PLEKHH1: variants seen among roughly 807,000 people sequenced by gnomAD.
The protein encoded by PLEKHH1 is pleckstrin homology domain-containing family H member 1.
A neutral mutation model predicts 160.0 loss-of-function variants in PLEKHH1; 104 were observed. That is an observed-to-expected ratio of 0.65 (90% CI 0.55 to 0.76). The LOEUF is 0.76. PLEKHH1 is among the 30% of genes least tolerant of loss of function. PLEKHH1 has a pLI of 0.00. For synonymous variants in PLEKHH1, 619 were observed against 678.4 expected (o/e 0.91, Z 1.36); for missense variants, 1,427 against 1,724.1 (o/e 0.83, Z 3.05).
At chr14:67,556,898 C>T (rs2034616741) in intron 3 of PLEKHH1, among the ~76,000 whole-genome samples, 1 of 152,076 alleles carries the variant, frequency 6.6e-6, no homozygotes, top group African/African-American at 2.4e-5. Flanking sequence ...ATATCTCTAC[C>T]ACGGTGGGGT....
intron 2 of PLEKHH1, among the ~76,000 whole-genome samples, chr14:67,544,646 A>C (rs1249517136): frequency 6.6e-6 from 1 of 152,248 alleles, no homozygotes; most frequent in Non-Finnish European, 1.5e-5. Flanking sequence ...AGCATAAGAC[A>C]AGAACAAGAC....
intron 23 of PLEKHH1, 118 bp from the exon 24 acceptor site, chr14:67,581,951 T>G: frequency 9.8e-7 from 1 of 1,017,132 alleles, no homozygotes; most frequent in Non-Finnish European, 1.4e-6. Context: ...AATAGGCTCA[T>G]AAATAGTGGG....
chr14:67,551,814 G>A (rs113632386), intron 2 of PLEKHH1, among the ~76,000 whole-genome samples: 44 of 152,134 alleles, frequency 2.9e-4, no homozygotes, highest in African/African-American at 3.1e-4. Context: ...CCTGGGAGGC[G>A]GAGGTTACAG....
intron 25 of PLEKHH1, 29 bp from the exon 26 acceptor site, chr14:67,583,966 C>T (rs1566765928): frequency 3.7e-6 from 6 of 1,613,682 alleles, no homozygotes; most frequent in Non-Finnish European, 4.2e-6. Flanking sequence ...ACTTCATTGG[C>T]ACTATTTCTC....
intron 28 of PLEKHH1, 122 bp downstream of exon 28, chr14:67,586,219 C>A (rs1181946273): frequency 2.4e-6 from 3 of 1,252,576 alleles, no homozygotes; most frequent in Admixed American, 1.7e-5. Context: ...AATTGTTGGT[C>A]TTGTCTGTAA....
chr14:67,562,812 C>T lies in PLEKHH1; in HGVS notation c.1181C>T (p.Pro394Leu). 1 of 1,613,790 alleles carries T rather than the reference C, an allele frequency of 6.2e-7. No homozygotes were observed. The highest frequency in any genetic ancestry group is 8.5e-7 in the Non-Finnish European group (1 of 1,179,816). The change falls in exon 7 of 29, where the codon CCA (proline) becomes CTA (leucine). Residue 394 changes from proline (P) to leucine (L), a missense_variant. By Grantham distance (98) the Pro-to-Leu change is moderately conservative. Coordinates refer to ENST00000329153, the MANE Select transcript of PLEKHH1 (RefSeq NM_020715.3). Reference protein sequence around the residue: ...PAGKNEERESPKALGAELEEV... With the variant: ...PAGKNEERESLKALGAELEEV... ...GGGAAGAATGAGGAAAGAGAGAGCC[C>T]AAAGGCCCTTGGAGCTGAGCTGGAG...
intron 23 of PLEKHH1, 126 bp downstream of exon 23, chr14:67,581,164 C>T: frequency 1.5e-6 from 1 of 648,826 alleles, no homozygotes; most frequent in Admixed American, 2.5e-5. Context: ...CACTGCCTGG[C>T]AGTCACTAGC....
chr14:67,562,615 C>A lies in PLEKHH1; in HGVS notation c.984C>A (p.Ala328=), dbSNP rs765583719. 1.2e-6 allele frequency: 2 copies of A among 1,612,896 alleles called. No homozygotes were observed. Among genetic ancestry groups the A allele is most frequent in the South Asian group, 2.2e-5 (2 of 90,826 alleles). Residue 328 remains alanine, a synonymous_variant, in exon 7 of 29, where the codon GCC becomes GCA. Transcript: ENST00000329153. Reference sequence around the variant, plus strand: ...CCCCGCGGGACAGCATCCAGTTGGCCAAAAGGCACCACAGCCAGCCCCAGG... The same window carrying A: ...CCCCGCGGGACAGCATCCAGTTGGCAAAAAGGCACCACAGCCAGCCCCAGG... The part of the protein sequence containing the change: ...PGTPRDSIQL[A]KRHHSQPQVG...
In PLEKHH1 at chr14:67,542,707, A is replaced by ATTTG. The variant is rs1273029383; in HGVS notation, c.126+716_126+717insTGTT. ...TATTTTATTTTATTTTATTTTATTT[A>ATTTG]TTCATTTATTGAGATGGAGTTTCGC... On this transcript the variant is annotated intron_variant, in intron 2 of 28. Transcript: ENST00000329153. 3.3e-5 allele frequency among the ~76,000 whole-genome samples: 5 copies of ATTTG among 149,676 alleles called. No homozygotes were observed. The East Asian group carries it at 1.0e-3, about 30-fold the overall frequency.
At chr14:67,556,416 G>C (rs371171166) in intron 3 of PLEKHH1, among the ~76,000 whole-genome samples, 1 of 152,128 alleles carries the variant, frequency 6.6e-6, no homozygotes, top group African/African-American at 2.4e-5. Context: ...GATTACAGGC[G>C]TGAGCCACTG....
In PLEKHH1 at chr14:67,578,160, G is replaced by T; in HGVS notation, c.2712G>T (p.Gln904His). The T allele has an allele frequency of 1.2e-6, 2 of 1,613,972 alleles. No homozygotes were observed. Among genetic ancestry groups the T allele is most frequent in the South Asian group, 1.1e-5 (1 of 91,072 alleles). The change falls in exon 19 of 29, where the codon CAG becomes CAT. Residue 904 changes from glutamine to histidine, a missense_variant. By Grantham distance (24) the Gln-to-His change is conservative. This residue lies in a region of PLEKHH1 where 436 missense variants were observed against 607.5 expected (regional missense o/e 0.72). Coordinates refer to ENST00000329153, the MANE Select transcript of PLEKHH1 (RefSeq NM_020715.3). The surrounding 1 kb of genome is among the most constrained non-coding windows in gnomAD (Gnocchi z 5.0). ...AGATCTACTGCCAACTCATGAAGCA[G>T]ACCAGCTGCCGCCCACCTCAGAAGT... ...QSEIYCQLMK[Q>H]TSCRPPQKYS...
At chr14:67,560,057 C>T (rs560193550) in intron 5 of PLEKHH1, among the ~76,000 whole-genome samples, 4 of 152,292 alleles carry the variant, frequency 2.6e-5, no homozygotes, top group East Asian at 3.9e-4. Flanking sequence ...GACAGAGTCT[C>T]GCTCTCTCGC....
intron 1 of PLEKHH1, among the ~76,000 whole-genome samples, chr14:67,535,843 A>G (rs1343519294): frequency 6.6e-6 from 1 of 152,230 alleles, no homozygotes; most frequent in African/African-American, 2.4e-5. Context: ...ATGATGTGAT[A>G]TATGAAATGG....
At chr14:67,534,622 C>A (rs2033624412) in intron 1 of PLEKHH1, among the ~76,000 whole-genome samples, 1 of 152,118 alleles carries the variant, frequency 6.6e-6, no homozygotes. Context: ...TACCACCTTC[C>A]CATAGACTGC....
intron 2 of PLEKHH1, among the ~76,000 whole-genome samples, chr14:67,548,923 A>G (rs1026830402): frequency 2.6e-5 from 4 of 152,172 alleles, no homozygotes; most frequent in African/African-American, 4.8e-5. Flanking sequence ...GAGTGGATAA[A>G]TGGTTCTGTT....
intron 4 of PLEKHH1, 139 bp from the exon 5 acceptor site, chr14:67,559,469 T>C (rs2034733004): frequency 1.6e-6 from 1 of 619,144 alleles, no homozygotes; most frequent in Admixed American, 2.8e-5. Flanking sequence ...TCAAATAATA[T>C]TTCAACAAAC....
intron 23 of PLEKHH1, 117 bp from the exon 24 acceptor site, chr14:67,581,952 A>T: frequency 9.8e-7 from 1 of 1,020,352 alleles, no homozygotes; most frequent in Non-Finnish European, 1.4e-6. Flanking sequence ...ATAGGCTCAT[A>T]AATAGTGGGA....
intron 18 of PLEKHH1, 107 bp downstream of exon 18, chr14:67,577,521 G>A: frequency 1.4e-6 from 1 of 722,460 alleles, no homozygotes. Flanking sequence ...GAGAGGAAGG[G>A]AAGGAAACTT....
intron 17 of PLEKHH1, 59 bp from the exon 18 acceptor site, chr14:67,577,243 G>C: frequency 9.5e-7 from 1 of 1,047,704 alleles, no homozygotes; most frequent in Non-Finnish European, 1.4e-6. Context: ...CGGTGAGTGG[G>C]AGATGAGTCC....
Sources: gnomAD v4.1 joint callset for allele counts (sites outside exome capture counted in the v4.1 genomes callset) on GRCh38, gnomAD v4.1.1 for gene constraint, gnomAD v4.1.1 regional missense constraint, Gnocchi (gnomAD v3.1) non-coding constraint, MANE v1.5 for transcripts, NCBI Gene and HGNC (gene_info 2026-07-23, HGNC 2026-07-21) for gene names.